SRGAP1: variants seen among roughly 807,000 people sequenced by gnomAD.
SRGAP1 encodes the protein SLIT-ROBO Rho GTPase-activating protein 1.
Under a neutral mutation model 121.9 loss-of-function variants are expected in SRGAP1, and 43 were observed. That is an observed-to-expected ratio of 0.35 (90% CI 0.28 to 0.46). The LOEUF (loss-of-function observed/expected upper bound fraction) is 0.46. SRGAP1 is among the 20% of genes least tolerant of loss of function. SRGAP1 has a pLI of 1.00. For synonymous variants in SRGAP1, 447 were observed against 485.4 expected (o/e 0.92, Z 1.04); for missense variants, 1,102 against 1,350.9 (o/e 0.82, Z 2.89).
At chr12:63,889,369 G>A (rs1900499700) in intron 1 of SRGAP1, among the ~76,000 whole-genome samples, 1 of 152,192 alleles carries the variant, frequency 6.6e-6, no homozygotes, top group Admixed American at 6.5e-5. Context: ...GCTGGGAGGT[G>A]GAGAGAAGAG....
intron 4 of SRGAP1, among the ~76,000 whole-genome samples, chr12:64,020,973 T>A (rs1255648744): frequency 1.3e-5 from 2 of 148,290 alleles, no homozygotes; most frequent in Non-Finnish European, 3.0e-5. Flanking sequence ...GACCAAAGAT[T>A]GACAGTGCAG....
intron 1 of SRGAP1, among the ~76,000 whole-genome samples, chr12:63,915,278 A>G (rs1191560220): frequency 1.3e-5 from 2 of 152,208 alleles, no homozygotes; most frequent in Non-Finnish European, 2.9e-5. Flanking sequence ...CTTCCAGTGT[A>G]GATTAGTGTT....
Position 64,127,464 on chromosome 12 carries a change from C to T in SRGAP1, c.2406-126C>T, listed in dbSNP as rs559662304. The T allele has an allele frequency of 5.6e-5, 49 of 878,546 alleles. No individual in the cohort carries two copies. In the South Asian group the frequency reaches 1.3e-3, roughly 24 times the overall value. The allele number at this position is 878,546 out of a possible 1,614,324, so 54.4% of individuals were successfully genotyped here. A position where few individuals can be genotyped will look rare whatever the true frequency, so the allele number is the denominator to read the frequency against. ...AAAAGTTATTTTAATAAAAGAAGGG[C>T]TTTCATGCATAATGCTATTTCATAC... On this transcript the variant is annotated intron_variant, in intron 19 of 21. Coordinates refer to ENST00000355086, the MANE Select transcript of SRGAP1 (RefSeq NM_020762.4).
intron 1 of SRGAP1, among the ~76,000 whole-genome samples, chr12:63,909,499 C>T (rs1471968615): frequency 2.0e-5 from 3 of 152,204 alleles, no homozygotes; most frequent in South Asian, 4.1e-4. Flanking sequence ...GTAACAGATT[C>T]CCAGGGTATA....
At chr12:63,984,207 T>C in intron 2 of SRGAP1, 65 bp downstream of exon 2, 1 of 953,476 alleles carries the variant, frequency 1.0e-6, no homozygotes, top group Non-Finnish European at 1.5e-6. Context: ...GCCACCTTTG[T>C]GGATTTTTTA....
At chr12:64,085,145 C>G (rs555491451) in intron 10 of SRGAP1, among the ~76,000 whole-genome samples, 1 of 152,168 alleles carries the variant, frequency 6.6e-6, no homozygotes, top group Non-Finnish European at 1.5e-5. Flanking sequence ...GCCACACCCA[C>G]CCCATACTAA....
chr12:64,042,602 T>C (rs1417871252), intron 4 of SRGAP1, among the ~76,000 whole-genome samples, 188 bp from the exon 5 acceptor site: 1 of 152,166 alleles, frequency 6.6e-6, no homozygotes, highest in Admixed American at 6.5e-5. Context: ...GCAGATGAAT[T>C]TGCATATTTC....
chr12:63,966,144 A>G (rs1157113017), intron 1 of SRGAP1, among the ~76,000 whole-genome samples: 3 of 152,212 alleles, frequency 2.0e-5, no homozygotes, highest in Non-Finnish European at 4.4e-5. Flanking sequence ...CATAGGCATA[A>G]TCACTACCCC....
At chr12:63,877,152 G>A (rs1900054349) in intron 1 of SRGAP1, among the ~76,000 whole-genome samples, 1 of 152,164 alleles carries the variant, frequency 6.6e-6, no homozygotes. Context: ...TTGAACCTGG[G>A]AGGCAAGGTT....
intron 1 of SRGAP1, among the ~76,000 whole-genome samples, chr12:63,978,507 A>G (rs1470767639): frequency 6.6e-6 from 1 of 152,200 alleles, no homozygotes; most frequent in African/African-American, 2.4e-5. Context: ...TTATGTTTTC[A>G]AGGTTCATCC....
intron 6 of SRGAP1, among the ~76,000 whole-genome samples, chr12:64,050,140 A>G (rs973873931): frequency 2.6e-5 from 4 of 151,942 alleles, no homozygotes; most frequent in Non-Finnish European, 5.9e-5. Flanking sequence ...ATCTTTTTAT[A>G]TTTGTAGCTA....
intron 1 of SRGAP1, among the ~76,000 whole-genome samples, chr12:63,932,416 G>A (rs1017700284): frequency 1.3e-5 from 2 of 152,070 alleles, no homozygotes; most frequent in African/African-American, 4.8e-5. Flanking sequence ...TTGCAAAAAA[G>A]GCCATACAAA....
chr12:64,081,468 A>G (rs1195087463), intron 10 of SRGAP1: 2 of 147,698 alleles, frequency 1.4e-5, no homozygotes, highest in Non-Finnish European at 3.0e-5. Context: ...AATTACACCT[A>G]GAAGGAAAAA....
chr12:63,897,899 T>C (rs1450119596), intron 1 of SRGAP1, among the ~76,000 whole-genome samples: 1 of 152,030 alleles, frequency 6.6e-6, no homozygotes, highest in African/African-American at 2.4e-5. Flanking sequence ...AATATAGGAG[T>C]CAGAGAAAAA....
At position 63,984,133 on chromosome 12, in the gene SRGAP1, A is replaced by G; in HGVS notation, c.254A>G (p.Gln85Arg). ...AAAACAAGAAGCACTAAGGATCATC[A>G]ACAATACAAGTAAGAGATTTGAATC... ...MAKTRSTKDH[Q>R]QYKKDQNLLS... Residue 85 changes from glutamine (Q) to arginine (R), a missense_variant, in exon 2 of 22, where the codon CAA (glutamine) becomes CGA (arginine). Transcript: ENST00000355086. 1 of 1,475,556 alleles carries G rather than the reference A, an allele frequency of 6.8e-7. No individual in the cohort carries two copies. Among genetic ancestry groups the G allele is most frequent in the Non-Finnish European group, 9.1e-7 (1 of 1,093,962 alleles). 91.4% of individuals were successfully genotyped at this position (1,475,556 alleles called of 1,614,324 possible).
At chr12:63,948,881 T>C (rs1329742582) in intron 1 of SRGAP1, among the ~76,000 whole-genome samples, 1 of 112,272 alleles carries the variant, frequency 8.9e-6, no homozygotes, top group Non-Finnish European at 1.9e-5. Context: ...ATATATATTT[T>C]CCATATATAT....
chr12:64,048,497 C>G (rs2035177448), intron 6 of SRGAP1, among the ~76,000 whole-genome samples: 2 of 152,054 alleles, frequency 1.3e-5, no homozygotes, highest in Non-Finnish European at 2.9e-5. Context: ...TAATGATTTT[C>G]TTTCTTTTGG....
rs759584470 is a variant in SRGAP1 at position 64,159,029 on chromosome 12, A to G, written c.*16357A>G. ...ATCTGTGTCACTTGTGGGTTAAAAT[A>G]TAAAAGAGTGCTAGGCACACTGGCT... On this transcript the variant is annotated 3_prime_UTR_variant, in exon 22 of 22. Transcript: ENST00000355086. 5 of 152,234 alleles carry G rather than the reference A, an allele frequency of 3.3e-5. No individual in the cohort carries two copies. Among genetic ancestry groups the G allele is most frequent in the Non-Finnish European group, 5.9e-5 (4 of 68,070 alleles). 9.4% of individuals were successfully genotyped at this position (152,234 alleles called of 1,614,324 possible). A position where few individuals can be genotyped will look rare whatever the true frequency, so the allele number is the denominator to read the frequency against.
At chr12:64,126,829 C>T (rs1761168482) in intron 19 of SRGAP1, among the ~76,000 whole-genome samples, 1 of 151,794 alleles carries the variant, frequency 6.6e-6, no homozygotes, top group African/African-American at 2.4e-5. Flanking sequence ...TCTGAAATAT[C>T]TACATATAAA....
Sources: allele counts gnomAD v4.1 joint callset (sites outside exome capture counted in the v4.1 genomes callset), GRCh38; gene constraint gnomAD v4.1.1; transcripts MANE v1.5; gene names NCBI Gene and HGNC (gene_info 2026-07-23, HGNC 2026-07-21).